The following YAP1 variants were observed in gnomAD, a reference collection of about 807,000 sequenced individuals.
YAP1 encodes Yes1 associated transcriptional regulator.
YAP1 carries 5 observed loss-of-function variants against 56.9 expected under a neutral mutation model. That is an observed-to-expected ratio of 0.09 (90% CI 0.05 to 0.18). The LOEUF (loss-of-function observed/expected upper bound fraction) is 0.18. Among genes scored for constraint, YAP1 ranks in the 10% least tolerant of loss-of-function variants. The pLI is 1.00. For synonymous variants in YAP1, 265 were observed against 248.1 expected (o/e 1.07, Z -0.64); for missense variants, 539 against 651.8 (o/e 0.83, Z 1.88).
chr11:102,184,818 T>C (rs1057089433), intron 3 of YAP1, among the ~76,000 whole-genome samples: 1 of 152,144 alleles, frequency 6.6e-6, no homozygotes, highest in African/African-American at 2.4e-5. Context: ...GAAGTATAGT[T>C]GTGAAGAGCA....
At chr11:102,227,610 C>A in intron 8 of YAP1, 29 bp downstream of exon 8, 1 of 1,490,964 alleles carries the variant, frequency 6.7e-7, no homozygotes, top group African/African-American at 1.4e-5. Flanking sequence ...TCTTAGTAAC[C>A]TGACTTAACA....
At chr11:102,210,275 G>A (rs543200378) in intron 6 of YAP1, among the ~76,000 whole-genome samples, 2 of 152,256 alleles carry the variant, frequency 1.3e-5, no homozygotes, top group African/African-American at 4.8e-5. Context: ...GAAGAAATTC[G>A]GAGCCAGAGG....
intron 2 of YAP1, 77 bp from the exon 3 acceptor site, chr11:102,162,379 A>G (rs1489479136): frequency 7.8e-7 from 1 of 1,287,190 alleles, no homozygotes; most frequent in African/African-American, 1.5e-5. Context: ...GCACCCTTTG[A>G]TTATGAGCCC....
In YAP1 at chr11:102,117,319, A is replaced by G. The variant is rs1186965714; in HGVS notation, c.572+2925A>G. ...AATGAAGATTTAAATTAGTTGCCTT[A>G]CACTTGTTTCCGCAATGAAACATTT... On this transcript the variant is annotated intron_variant, in intron 2 of 8. Transcript: ENST00000282441. Among the ~76,000 whole-genome samples, 8 of 152,222 alleles carry G rather than the reference A, an allele frequency of 5.3e-5. No homozygotes were observed. The East Asian group carries it at 1.5e-3, about 29-fold the overall frequency.
At chr11:102,177,752 C>G (rs1298306462) in intron 3 of YAP1, among the ~76,000 whole-genome samples, 2 of 151,476 alleles carry the variant, frequency 1.3e-5, no homozygotes, top group African/African-American at 2.4e-5. Flanking sequence ...AAACCCCACT[C>G]AAAATATGGG....
chr11:102,204,927 A>G (rs1464388005), intron 4 of YAP1, among the ~76,000 whole-genome samples: 2 of 152,164 alleles, frequency 1.3e-5, no homozygotes, highest in Non-Finnish European at 1.5e-5. Context: ...TCTTTAGTCA[A>G]TGTGTACTAA....
At chr11:102,207,807 A>G (rs982781793) in intron 5 of YAP1, among the ~76,000 whole-genome samples, 4 of 152,158 alleles carry the variant, frequency 2.6e-5, no homozygotes, top group Non-Finnish European at 5.9e-5. Flanking sequence ...ATCAAAGGTA[A>G]ACCCTGATAG....
At chr11:102,211,824 C>T (rs1479719732) in intron 6 of YAP1, among the ~76,000 whole-genome samples, 1 of 152,072 alleles carries the variant, frequency 6.6e-6, no homozygotes, top group Non-Finnish European at 1.5e-5. Context: ...CTGCCTCAGC[C>T]TCCTGAGTGG....
At chr11:102,137,939 G>T (rs897904362) in intron 2 of YAP1, among the ~76,000 whole-genome samples, 1 of 151,792 alleles carries the variant, frequency 6.6e-6, no homozygotes, top group Non-Finnish European at 1.5e-5. Context: ...CCAGGCTGGC[G>T]TGTTGTGGTG....
At chr11:102,147,721 C>T (rs1040236290) in intron 2 of YAP1, among the ~76,000 whole-genome samples, 1 of 152,068 alleles carries the variant, frequency 6.6e-6, no homozygotes, top group Non-Finnish European at 1.5e-5. Flanking sequence ...CTTTTTTCTC[C>T]ACCATTTTTT....
chr11:102,163,398 C>T (rs1175891389), intron 3 of YAP1, among the ~76,000 whole-genome samples: 1 of 152,128 alleles, frequency 6.6e-6, no homozygotes, highest in Admixed American at 6.5e-5. Context: ...TAGGTGGGTT[C>T]AAGGCCACAG....
chr11:102,191,139 A>C (rs887563834), intron 4 of YAP1, among the ~76,000 whole-genome samples: 1 of 151,436 alleles, frequency 6.6e-6, no homozygotes, highest in Admixed American at 6.6e-5. Context: ...GCACCACTGC[A>C]CTCCAGCCTG....
intron 3 of YAP1, among the ~76,000 whole-genome samples, chr11:102,170,953 C>T (rs1946865883): frequency 7.2e-6 from 1 of 138,378 alleles, no homozygotes; most frequent in South Asian, 2.6e-4. Context: ...TGGGATACAG[C>T]CAGACTCTGT....
intron 3 of YAP1, among the ~76,000 whole-genome samples, chr11:102,167,722 G>C (rs1946686447): frequency 6.6e-6 from 1 of 152,012 alleles, no homozygotes; most frequent in East Asian, 1.9e-4. Flanking sequence ...GACAGAGCAA[G>C]ACTCCATCTC....
intron 2 of YAP1, among the ~76,000 whole-genome samples, chr11:102,138,637 A>T (rs1944824407): frequency 1.3e-5 from 2 of 152,182 alleles, no homozygotes; most frequent in Admixed American, 1.3e-4. Flanking sequence ...TGTTTCGTTT[A>T]ATTACTTTGT....
At chr11:102,136,414 C>A (rs901058886) in intron 2 of YAP1, among the ~76,000 whole-genome samples, 2 of 151,478 alleles carry the variant, frequency 1.3e-5, no homozygotes, top group Non-Finnish European at 2.9e-5. Flanking sequence ...AATCTCGGCT[C>A]ACTGCAACCT....
In YAP1 at chr11:102,119,603, A is replaced by C. The variant is rs191482595; in HGVS notation, c.572+5209A>C. 1.4e-3 allele frequency among the ~76,000 whole-genome samples: 209 copies of C among 151,948 alleles called. 1 individual carries two copies. Among genetic ancestry groups the C allele is most frequent in the South Asian group, 4.8e-3 (23 of 4,816 alleles). On this transcript the variant is annotated intron_variant, in intron 2 of 8. Transcript: ENST00000282441. Reference sequence around the variant, plus strand: ...GCTTTATCTTAGCCATTAAAAAAAAACCCAAACATCTAGATAGCATTTAAA... The same window carrying C: ...GCTTTATCTTAGCCATTAAAAAAAACCCCAAACATCTAGATAGCATTTAAA...
In YAP1 at chr11:102,127,453, G is replaced by T. The variant is rs550061293; in HGVS notation, c.572+13059G>T. On this transcript the variant is annotated intron_variant, in intron 2 of 8. Transcript: ENST00000282441. ...AGGTTGGAAGCCCCAAGCCTTGGCA[G>T]CTTCCACTTGGTGTTGAGAGTGCAG... Among the ~76,000 whole-genome samples, 310 of 152,328 alleles carry T rather than the reference G, an allele frequency of 2.0e-3. 4 individuals are homozygous for T. The highest frequency in any genetic ancestry group is 0.011 in the South Asian group (53 of 4,828).
In YAP1 at chr11:102,223,632, T is replaced by C; in HGVS notation, c.1043T>C (p.Leu348Pro). The stretch of plus-strand genomic sequence containing the variant: ...TTTATTTTTAATTAGGAGTTAGCCC[T>C]GCGTAGCCAGTTACCAACACTGGAG... ...ANSPKCQELA[L>P]RSQLPTLEQD... is the part of the protein sequence containing the mutation. The change falls in exon 7 of 9, where the codon CTG becomes CCG. Residue 348 changes from leucine to proline, a missense_variant. Around this residue, in one of 4 missense-constraint regions of YAP1, gnomAD observed 414 missense variants for 512.4 expected, o/e 0.81. Transcript: ENST00000282441. The C allele has an allele frequency of 6.2e-7, 1 of 1,614,042 alleles. No homozygotes were observed. The highest frequency in any genetic ancestry group is 8.5e-7 in the Non-Finnish European group (1 of 1,179,972).
Sources: gnomAD v4.1 joint callset for allele counts (sites outside exome capture counted in the v4.1 genomes callset) on GRCh38, gnomAD v4.1.1 for gene constraint, gnomAD v4.1.1 regional missense constraint, MANE v1.5 for transcripts, NCBI Gene and HGNC (gene_info 2026-07-23, HGNC 2026-07-21) for gene names.